SENP7: variants seen among roughly 807,000 people sequenced by gnomAD.
The protein encoded by SENP7 is SUMO specific peptidase 7.
In SENP7, 64 loss-of-function variants were observed where a neutral mutation model predicts 141.2. That is an observed-to-expected ratio of 0.45 (90% CI 0.37 to 0.56). The LOEUF is 0.56. SENP7 is among the 20% of genes least tolerant of loss of function. The pLI is 0.00. For missense variants in SENP7, 1,025 were observed against 1,212.2 expected (o/e 0.85, Z 2.29); for synonymous variants, 382 against 426.4 (o/e 0.90, Z 1.28).
At chr3:101,512,129 G>C (rs577861748) in intron 1 of SENP7, among the ~76,000 whole-genome samples, 1 of 152,260 alleles carries the variant, frequency 6.6e-6, no homozygotes, top group South Asian at 2.1e-4. Context: ...CAATAAATCT[G>C]TAATTGTTAA....
At chr3:101,329,199 C>A (rs547501641) in intron 20 of SENP7, among the ~76,000 whole-genome samples, 2 of 152,136 alleles carry the variant, frequency 1.3e-5, no homozygotes, top group Admixed American at 6.5e-5. Context: ...CTTCTCAGTG[C>A]CTTTATTATT....
rs941515605 is a variant in SENP7 at position 101,438,876 on chromosome 3, G to A, written c.284+20079C>T. 1.4e-3 allele frequency among the ~76,000 whole-genome samples: 215 copies of A among 150,672 alleles called. 1 individual carries two copies. Among genetic ancestry groups the A allele is most frequent in the Non-Finnish European group, 1.5e-3 (100 of 67,618 alleles). On this transcript the variant is annotated intron_variant, in intron 4 of 23. Transcript: ENST00000394095. The stretch of plus-strand genomic sequence containing the variant: ...GCGGCTGGAGGAGCGGACGGGCCCC[G>A]CGGGGCCCGAGGGCAAGGAGCAGCC...
intron 6 of SENP7, among the ~76,000 whole-genome samples, chr3:101,382,331 T>TA (rs2060526289): frequency 1.3e-5 from 2 of 152,072 alleles, no homozygotes; most frequent in Admixed American, 6.6e-5. Context: ...CACACAGTAC[T>TA]GCACCTGACT....
chr3:101,466,153 T>C (rs771772962), intron 3 of SENP7, among the ~76,000 whole-genome samples: 3 of 151,908 alleles, frequency 2.0e-5, no homozygotes, highest in Non-Finnish European at 4.4e-5. Flanking sequence ...AGCGACCAAA[T>C]ATTCAAATTA....
At chr3:101,342,016 T>A (rs1273772123) in intron 14 of SENP7, among the ~76,000 whole-genome samples, 1 of 151,926 alleles carries the variant, frequency 6.6e-6, no homozygotes, top group Non-Finnish European at 1.5e-5. Flanking sequence ...GACTACAGAA[T>A]TAAAGAAGAA....
At chr3:101,368,309 T>C (rs950265349) in intron 7 of SENP7, among the ~76,000 whole-genome samples, 2 of 151,986 alleles carry the variant, frequency 1.3e-5, no homozygotes, top group African/African-American at 4.8e-5. Flanking sequence ...TTTTTCCATT[T>C]GCTATAAATG....
intron 13 of SENP7, 148 bp from the exon 14 acceptor site, chr3:101,344,102 CA>C: frequency 1.6e-6 from 1 of 619,388 alleles, no homozygotes; most frequent in Non-Finnish European, 2.6e-6. Flanking sequence ...ATTAATATCC[CA>C]AAAGTAGGCC....
At chr3:101,511,096 G>A (rs1373737506) in intron 1 of SENP7, among the ~76,000 whole-genome samples, 2 of 152,106 alleles carry the variant, frequency 1.3e-5, no homozygotes, top group Non-Finnish European at 2.9e-5. Context: ...ATTTGGGTAT[G>A]GATTTTATTA....
chr3:101,485,974 GA>G (rs1553753538), intron 3 of SENP7, among the ~76,000 whole-genome samples: 1 of 152,142 alleles, frequency 6.6e-6, no homozygotes, highest in Non-Finnish European at 1.5e-5. Flanking sequence ...AAATGCTCTG[GA>G]AAGTCTCAGC....
rs905120482 is a variant in SENP7, at chr3:101,483,082, C to T, written c.186+10791G>A. On this transcript the variant is annotated intron_variant, in intron 3 of 23. Transcript: ENST00000394095. ...TAGACCTACCATTTGAACCAGCAATCCCATTACTGAGTATATGTCCAAAAG... is the reference window on the plus strand; with the variant it reads ...TAGACCTACCATTTGAACCAGCAATTCCATTACTGAGTATATGTCCAAAAG... Among the ~76,000 whole-genome samples, 8 of 152,174 alleles carry T rather than the reference C, an allele frequency of 5.3e-5. No homozygotes were observed. In the East Asian group the frequency reaches 9.6e-4, roughly 18 times the overall value.
intron 3 of SENP7, among the ~76,000 whole-genome samples, chr3:101,463,383 A>ATG (rs2063639054): frequency 2.2e-5 from 2 of 91,782 alleles, no homozygotes; most frequent in African/African-American, 4.9e-5. Flanking sequence ...ATATATATAT[A>ATG]TATATATATA....
chr3:101,364,410 C>T (rs2059983059), intron 10 of SENP7, among the ~76,000 whole-genome samples: 1 of 152,086 alleles, frequency 6.6e-6, no homozygotes, highest in Non-Finnish European at 1.5e-5. Context: ...GGTTTCTGAC[C>T]TATATCTCCA....
In SENP7 at chr3:101,365,352, T is replaced by C. The variant is rs370190961; in HGVS notation, c.1319-361A>G. Among the ~76,000 whole-genome samples the C allele has an allele frequency of 3.3e-5, 5 of 151,666 alleles. No homozygotes were observed. In the East Asian group the frequency reaches 9.9e-4, roughly 30 times the overall value. ...CAATCACATATCAAAAAAAGAACTTTTGGCCGGGAGCAGTGGCTCACTCCT... is the reference window on the plus strand; with the variant it reads ...CAATCACATATCAAAAAAAGAACTTCTGGCCGGGAGCAGTGGCTCACTCCT... On this transcript the variant is annotated intron_variant, in intron 9 of 23. Transcript: ENST00000394095.
At chr3:101,502,241 G>A (rs746283702) in intron 1 of SENP7, among the ~76,000 whole-genome samples, 3 of 152,198 alleles carry the variant, frequency 2.0e-5, no homozygotes, top group Admixed American at 6.5e-5. Flanking sequence ...CCAGGTCAGC[G>A]TATTACCCAT....
In SENP7 at chr3:101,501,090, A is replaced by T; in HGVS notation, c.70T>A (p.Ser24Thr). The part of the protein sequence containing the change: ...EIITEGKRKK[S>T]SSDLSEIRKM... ...CATACCTCCGATAAATCAGAAGATG[A>T]CTTTTTCCTTTTTCCTTCTGTGATG... The change falls in exon 2 of 24, where the codon TCA becomes ACA. Residue 24 changes from serine (S) to threonine (T), a missense_variant. This residue lies in a region of SENP7 where 496 missense variants were observed against 503.5 expected (regional missense o/e 0.99). Coordinates refer to ENST00000394095, the MANE Select transcript of SENP7 (RefSeq NM_020654.5). The T allele has an allele frequency of 6.2e-7, 1 of 1,607,316 alleles. No individual in the cohort carries two copies. The highest frequency in any genetic ancestry group is 8.5e-7 in the Non-Finnish European group (1 of 1,176,364).
intron 11 of SENP7, among the ~76,000 whole-genome samples, chr3:101,360,241 CTAT>C (rs1382085281): frequency 6.6e-6 from 1 of 152,074 alleles, no homozygotes; most frequent in Admixed American, 6.6e-5. Flanking sequence ...TCACAAACTA[CTAT>C]TATTTGCAGT....
rs575678812 is a variant in SENP7 at position 101,477,523 on chromosome 3, G to GA, written c.186+16349dup. 1.3e-3 allele frequency among the ~76,000 whole-genome samples: 196 copies of GA among 152,044 alleles called. 1 individual carries two copies. Among genetic ancestry groups the GA allele is most frequent in the Non-Finnish European group, 2.2e-3 (148 of 67,958 alleles). ...GTAAAAAAAACCTAATAATGCACCTGAAAAAAATAGAAAAGTCAGAACAAG... is the reference window on the plus strand; with the variant it reads ...GTAAAAAAAACCTAATAATGCACCTGAAAAAAAATAGAAAAGTCAGAACAAG... On this transcript the variant is annotated intron_variant, in intron 3 of 23. Coordinates refer to ENST00000394095, the MANE Select transcript of SENP7 (RefSeq NM_020654.5).
In SENP7 at chr3:101,389,047, GA is replaced by G. The variant is rs1253003342; in HGVS notation, c.677+9813del. 3.9e-5 allele frequency among the ~76,000 whole-genome samples: 6 copies of G among 152,212 alleles called. No individual in the cohort carries two copies. The East Asian group carries it at 1.2e-3, about 29-fold the overall frequency. On this transcript the variant is annotated intron_variant, in intron 6 of 23. Coordinates refer to ENST00000394095, the MANE Select transcript of SENP7 (RefSeq NM_020654.5). ...TTTTCAATGTCCCAGAAGGCAAAGAGAAAAAACAAAGGGATAGAAAACATAC... is the reference window on the plus strand; with the variant it reads ...TTTTCAATGTCCCAGAAGGCAAAGAGAAAAACAAAGGGATAGAAAACATAC...
chr3:101,462,387 C>T (rs1042709213), intron 3 of SENP7, among the ~76,000 whole-genome samples: 1 of 151,698 alleles, frequency 6.6e-6, no homozygotes, highest in Non-Finnish European at 1.5e-5. Flanking sequence ...ACTAAAAATA[C>T]AAAATTAGCC....
Sources: allele counts gnomAD v4.1 joint callset (sites outside exome capture counted in the v4.1 genomes callset), GRCh38; gene constraint gnomAD v4.1.1; regional missense constraint gnomAD v4.1.1; transcripts MANE v1.5; gene names NCBI Gene and HGNC (gene_info 2026-07-23, HGNC 2026-07-21).